Variants in CALCR observed in about 807,000 individuals in gnomAD.
CALCR encodes the protein calcitonin receptor.
A neutral mutation model predicts 59.5 loss-of-function variants in CALCR; 47 were observed. The observed-to-expected ratio is 0.79, with a 90% CI of 0.63 to 1.01. The LOEUF (loss-of-function observed/expected upper bound fraction) is 1.01, where lower values mean the gene tolerates loss of function less well. CALCR is among the 50% of genes least tolerant of loss of function. The probability of loss-of-function intolerance (pLI) is 0.00; values close to 1 mark genes in which losing one functional copy is unlikely to be tolerated. For synonymous variants in CALCR, 213 were observed against 211.3 expected, an observed-to-expected ratio of 1.01 and a Z score of -0.07; for missense variants, 566 against 597.1, an observed-to-expected ratio of 0.95 and a Z score of 0.54.
chr7:93,547,408 T>A (rs1457927041), intron 2 of CALCR, among the ~76,000 whole-genome samples: 1 of 152,164 alleles, frequency 6.6e-6, no homozygotes, highest in African/African-American at 2.4e-5. Flanking sequence ...TGCTAACAAA[T>A]TTACTTTTTT....
chr7:93,441,419 T>C, intron 9 of CALCR: 1 of 410,384 alleles, frequency 2.4e-6, no homozygotes, highest in Non-Finnish European at 4.8e-6. Flanking sequence ...GAATTGCCAT[T>C]GCAGTGATTA....
At chr7:93,428,863 GCTGAAA>G (rs1247568898) in intron 13 of CALCR, among the ~76,000 whole-genome samples, 1 of 151,494 alleles carries the variant, frequency 6.6e-6, no homozygotes, top group Non-Finnish European at 1.5e-5. Flanking sequence ...TATCCTTGTA[GCTGAAA>G]CTTACACAGA....
chr7:93,451,056 C>G (rs1800099117), intron 8 of CALCR, among the ~76,000 whole-genome samples: 1 of 151,452 alleles, frequency 6.6e-6, no homozygotes, highest in Non-Finnish European at 1.5e-5. Context: ...TTCCTGCCTT[C>G]ATGATTTGTA....
At chr7:93,494,980 T>C (rs1325098700) in intron 2 of CALCR, among the ~76,000 whole-genome samples, 1 of 151,268 alleles carries the variant, frequency 6.6e-6, no homozygotes, top group Non-Finnish European at 1.5e-5. Flanking sequence ...GATGGATAGA[T>C]TGGGGGTGGA....
At chr7:93,527,871 C>T (rs1396008792) in intron 2 of CALCR, among the ~76,000 whole-genome samples, 1 of 152,118 alleles carries the variant, frequency 6.6e-6, no homozygotes, top group Non-Finnish European at 1.5e-5. Flanking sequence ...TGATTAAAGC[C>T]ATAGCATCTT....
chr7:93,488,240 C>A (rs917798349), intron 2 of CALCR, among the ~76,000 whole-genome samples: 1 of 151,534 alleles, frequency 6.6e-6, no homozygotes, highest in Non-Finnish European at 1.5e-5. Flanking sequence ...GTCTGCCTTG[C>A]AAGAGCTCCT....
chr7:93,564,714 A>C (rs1789822807), intron 2 of CALCR, among the ~76,000 whole-genome samples: 2 of 151,748 alleles, frequency 1.3e-5, no homozygotes, highest in African/African-American at 4.8e-5. Flanking sequence ...TCAGCCTCCC[A>C]AAATACTGGG....
intron 7 of CALCR, among the ~76,000 whole-genome samples, chr7:93,464,163 G>A (rs1800395342): frequency 6.6e-6 from 1 of 151,968 alleles, no homozygotes; most frequent in African/African-American, 2.4e-5. Context: ...GTGTGAGTGT[G>A]TACTTTTTGG....
At chr7:93,447,990 AGATC>A (rs1030564457) in intron 8 of CALCR, among the ~76,000 whole-genome samples, 2 of 152,012 alleles carry the variant, frequency 1.3e-5, no homozygotes, top group Non-Finnish European at 2.9e-5. Flanking sequence ...GTAGGCTAGA[AGATC>A]CAAAGTTGTC....
At chr7:93,487,975 A>C (rs376759007) in intron 2 of CALCR, among the ~76,000 whole-genome samples, 24 of 151,742 alleles carry the variant, frequency 1.6e-4, no homozygotes, top group African/African-American at 5.3e-4. Context: ...CCAAGGTTGA[A>C]ATGAATGAAA....
intron 2 of CALCR, among the ~76,000 whole-genome samples, chr7:93,525,859 A>G (rs1801867445): frequency 1.3e-5 from 2 of 152,162 alleles, no homozygotes; most frequent in Admixed American, 1.3e-4. Flanking sequence ...TGATTTTGGA[A>G]AAAAAATCTC....
At chr7:93,469,428 TC>T (rs1340500275) in intron 6 of CALCR, among the ~76,000 whole-genome samples, 2 of 151,700 alleles carry the variant, frequency 1.3e-5, no homozygotes, top group African/African-American at 4.8e-5. Flanking sequence ...TGTCATAGCA[TC>T]TTTTTTCCTA....
chr7:93,527,018 T>G (rs536539398), intron 2 of CALCR, among the ~76,000 whole-genome samples: 8 of 152,054 alleles, frequency 5.3e-5, no homozygotes, highest in Non-Finnish European at 1.2e-4. Flanking sequence ...TCTATTTTTT[T>G]CTTCATACCT....
chr7:93,534,157 T>C (rs1788923174), intron 2 of CALCR, among the ~76,000 whole-genome samples: 2 of 151,896 alleles, frequency 1.3e-5, no homozygotes, highest in African/African-American at 2.4e-5. Flanking sequence ...CATGATTTAC[T>C]ATCCGTGTAT....
chr7:93,484,104 T>A, intron 3 of CALCR: 1 of 390,326 alleles, frequency 2.6e-6, no homozygotes, highest in South Asian at 1.9e-5. Context: ...TCAGGCACTC[T>A]TCTAGGTTCT....
At chr7:93,559,373 A>G (rs1389884132) in intron 2 of CALCR, 2 of 152,180 alleles carry the variant, frequency 1.3e-5, no homozygotes, top group Admixed American at 6.6e-5. Flanking sequence ...AACCAGGCCA[A>G]TCTGGTTTTT....
intron 2 of CALCR, among the ~76,000 whole-genome samples, chr7:93,543,774 TA>T (rs1357052686): frequency 2.0e-5 from 3 of 152,144 alleles, no homozygotes; most frequent in African/African-American, 7.2e-5. Flanking sequence ...TCAGGTCCAA[TA>T]TTTTTTAAAC....
At chr7:93,530,595 A>C (rs2116130691) in intron 2 of CALCR, among the ~76,000 whole-genome samples, 1 of 152,234 alleles carries the variant, frequency 6.6e-6, no homozygotes, top group Middle Eastern at 3.4e-3. Context: ...GGTTTCAGAG[A>C]GCACAGATGG....
chr7:93,456,588 C>T (rs1800213006), intron 8 of CALCR, among the ~76,000 whole-genome samples: 1 of 152,112 alleles, frequency 6.6e-6, no homozygotes, highest in Non-Finnish European at 1.5e-5. Flanking sequence ...AGTATAAATT[C>T]ATTTCAGCCT....
Sources: gnomAD v4.1 joint callset for allele counts (sites outside exome capture counted in the v4.1 genomes callset) on GRCh38, gnomAD v4.1.1 for gene constraint, MANE v1.5 for transcripts, NCBI Gene and HGNC (gene_info 2026-07-23, HGNC 2026-07-21) for gene names.